Variants in UBE2V2 observed in about 807,000 individuals in gnomAD.
UBE2V2 encodes ubiquitin conjugating enzyme E2 V2, also known as ubiquitin-conjugating enzyme E2 variant 2.
A neutral mutation model predicts 17.2 loss-of-function variants in UBE2V2; 9 were observed. The ratio of observed to expected loss-of-function variants is 0.52; its 90% CI spans 0.32 to 0.91. The LOEUF (loss-of-function observed/expected upper bound fraction) is 0.91, where lower values mean the gene tolerates loss of function less well. Among genes scored for constraint, UBE2V2 ranks in the 40% least tolerant of loss-of-function variants. The pLI, the probability that UBE2V2 is intolerant of heterozygous loss-of-function variation, is 0.04. For synonymous variants in UBE2V2, 61 were observed against 57.5 expected (o/e 1.06, Z -0.28); for missense variants, 133 against 182.6 (o/e 0.73, Z 1.56).
chr8:48,025,438 T>C (rs1191577838), intron 1 of UBE2V2, among the ~76,000 whole-genome samples: 3 of 147,536 alleles, frequency 2.0e-5, no homozygotes, highest in Non-Finnish European at 4.5e-5. Flanking sequence ...TGATTATTAT[T>C]ATTTTTTTTT....
intron 1 of UBE2V2, among the ~76,000 whole-genome samples, chr8:48,025,775 T>C (rs1345486012): frequency 1.3e-5 from 2 of 151,942 alleles, no homozygotes; most frequent in Non-Finnish European, 2.9e-5. Context: ...AATTTTTTTG[T>C]ATTTTTTGTA....
intron 3 of UBE2V2, among the ~76,000 whole-genome samples, chr8:48,056,220 G>C (rs771595121): frequency 1.3e-4 from 20 of 152,086 alleles, no homozygotes; most frequent in Non-Finnish European, 2.4e-4. Flanking sequence ...ATATTCCATT[G>C]TATGGAGATC....
At chr8:48,037,854 T>C (rs1283629316) in intron 1 of UBE2V2, among the ~76,000 whole-genome samples, 1 of 152,244 alleles carries the variant, frequency 6.6e-6, no homozygotes, top group Non-Finnish European at 1.5e-5. Context: ...TTATAACAGC[T>C]GATACTTTTC....
chr8:48,056,062 TTC>T (rs1484007863), intron 3 of UBE2V2, among the ~76,000 whole-genome samples: 1 of 152,160 alleles, frequency 6.6e-6, no homozygotes, highest in Non-Finnish European at 1.5e-5. Flanking sequence ...CCAGCCCACT[TTC>T]TGTCTTTATA....
intron 3 of UBE2V2, among the ~76,000 whole-genome samples, chr8:48,056,727 T>C (rs1053616143): frequency 6.6e-6 from 1 of 151,852 alleles, no homozygotes; most frequent in African/African-American, 2.4e-5. Context: ...GTAGTAAGTT[T>C]TTTTGTTTGT....
chr8:48,029,379 CAG>C (rs1563852892), intron 1 of UBE2V2, among the ~76,000 whole-genome samples: 1 of 152,012 alleles, frequency 6.6e-6, no homozygotes. Context: ...AGGATATGGT[CAG>C]AAACTAAAAT....
At chr8:48,005,496 T>A (rs1232340379), upstream of UBE2V2, among the ~76,000 whole-genome samples, 1 of 152,230 alleles carries the variant, frequency 6.6e-6, no homozygotes, top group African/African-American at 2.4e-5. Flanking sequence ...CATGTGTCTT[T>A]ATAGTAGAAT....
intron 1 of UBE2V2, among the ~76,000 whole-genome samples, chr8:48,010,342 C>T (rs531034555): frequency 1.0e-4 from 15 of 149,992 alleles, no homozygotes; most frequent in African/African-American, 3.2e-4. Flanking sequence ...GTGATCCACC[C>T]GCCTCAGCCT....
intron 1 of UBE2V2, among the ~76,000 whole-genome samples, chr8:48,009,267 CTT>C (rs143794770): frequency 2.1e-4 from 28 of 133,708 alleles, no homozygotes; most frequent in Non-Finnish European, 2.4e-4. Context: ...CTTTTCTTTT[CTT>C]TTTTTTTTTT....
rs755986461 is a variant in UBE2V2, at chr8:48,043,029, A to G, written c.17-4A>G. 4 of 1,537,532 alleles carry G rather than the reference A, an allele frequency of 2.6e-6. No individual in the cohort carries two copies. Among genetic ancestry groups the G allele is most frequent in the African/African-American group, 2.7e-5 (2 of 72,876 alleles). ...TACATTTACACTGACGTTCTTTTGT[A>G]TAGGAGTTAAAGTTCCTCGTAATTT... On this transcript the variant is annotated splice_polypyrimidine_tract_variant and splice_region_variant and intron_variant, in intron 1 of 3. Coordinates refer to ENST00000523111, the MANE Select transcript of UBE2V2 (RefSeq NM_003350.3).
upstream of UBE2V2, among the ~76,000 whole-genome samples, chr8:48,006,348 C>A (rs1017136900): frequency 2.0e-5 from 3 of 152,084 alleles, no homozygotes; most frequent in African/African-American, 7.2e-5. Flanking sequence ...ATTTCTGAGG[C>A]CTCTGTTCTG....
chr8:47,999,173 C>T, the UBE2V2 span, among the ~76,000 whole-genome samples: 528 of 152,054 alleles, frequency 3.5e-3, 1 homozygote, highest in African/African-American at 0.012. Flanking sequence ...GTGGGTGGCA[C>T]AGAGAAGAGT....
At chr8:48,010,698 GTTTTTTT>G (rs556750645) in intron 1 of UBE2V2, among the ~76,000 whole-genome samples, 2 of 98,686 alleles carry the variant, frequency 2.0e-5, no homozygotes, top group Non-Finnish European at 2.2e-5. Context: ...GGGTTTGTTT[GTTTTTTT>G]TTTTTTTTGA....
intron 1 of UBE2V2, among the ~76,000 whole-genome samples, chr8:48,030,262 A>G (rs967162032): frequency 6.6e-6 from 1 of 152,236 alleles, no homozygotes; most frequent in Admixed American, 6.5e-5. Context: ...AGTATCAGCA[A>G]CATCTGCTGT....
the UBE2V2 span, among the ~76,000 whole-genome samples, chr8:47,998,429 C>T: frequency 6.6e-6 from 1 of 151,962 alleles, no homozygotes; most frequent in Non-Finnish European, 1.5e-5. Context: ...GTGTCCCTGA[C>T]ACAGAGGAAC....
chr8:48,022,356 G>A (rs777601486), intron 1 of UBE2V2, among the ~76,000 whole-genome samples: 3 of 151,868 alleles, frequency 2.0e-5, no homozygotes, highest in African/African-American at 7.3e-5. Flanking sequence ...GGCTGCTCTC[G>A]AACTCCTGAC....
intron 1 of UBE2V2, among the ~76,000 whole-genome samples, chr8:48,016,349 C>T (rs954445292): frequency 5.3e-5 from 8 of 152,138 alleles, no homozygotes; most frequent in African/African-American, 1.4e-4. Flanking sequence ...CTGGATCATA[C>T]GGTAGCTCTG....
At chr8:48,000,821 CAAAAAAAAAA>C in the UBE2V2 span, among the ~76,000 whole-genome samples, 1 of 20,488 alleles carries the variant, frequency 4.9e-5, no homozygotes, top group Non-Finnish European at 1.1e-4. Context: ...GACTTTGCCT[CAAAAAAAAAA>C]AAAAAAAAAA....
Position 48,034,128 on chromosome 8 carries a change from C to CTTTTTTTTTTT in UBE2V2, c.17-8903_17-8893dup, listed in dbSNP as rs895844431. On this transcript the variant is annotated intron_variant, in intron 1 of 3. Coordinates refer to ENST00000523111, the MANE Select transcript of UBE2V2 (RefSeq NM_003350.3). ...AATATTTGACCTCTGTTTTCTTTTC[C>CTTTTTTTTTTT]TTTTTTTTTTTTGAGATGGAGTCTC... Among the ~76,000 whole-genome samples the CTTTTTTTTTTT allele has an allele frequency of 6.5e-3, 881 of 136,154 alleles. 48 individuals carry two copies. Among genetic ancestry groups the CTTTTTTTTTTT allele is most frequent in the South Asian group, 0.048 (207 of 4,282 alleles). 89.3% of individuals were successfully genotyped at this position (136,154 alleles called of 152,430 possible). A position where few individuals can be genotyped will look rare whatever the true frequency, so the allele number is the denominator to read the frequency against.
Sources: allele counts gnomAD v4.1 joint callset (sites outside exome capture counted in the v4.1 genomes callset), GRCh38; gene constraint gnomAD v4.1.1; transcripts MANE v1.5; gene names NCBI Gene and HGNC (gene_info 2026-07-23, HGNC 2026-07-21).